The following PPIP5K1 variants were observed in gnomAD, a reference collection of about 807,000 sequenced individuals.
The protein encoded by PPIP5K1 is diphosphoinositol pentakisphosphate kinase 1.
Under a neutral mutation model 27.7 loss-of-function variants are expected in PPIP5K1, and 6 were observed. The observed-to-expected ratio is 0.22, with a 90% CI of 0.12 to 0.43. The LOEUF (loss-of-function observed/expected upper bound fraction) is 0.43. Among genes scored for constraint, PPIP5K1 ranks in the 20% least tolerant of loss-of-function variants. The pLI is 1.00. For missense variants in PPIP5K1, 394 were observed against 635.4 expected, an observed-to-expected ratio of 0.62 and a Z score of 4.08; for synonymous variants, 145 against 242.6, an observed-to-expected ratio of 0.60 and a Z score of 3.74.
At chr15:43,542,976 A>G (rs993803343) in intron 30 of PPIP5K1, among the ~76,000 whole-genome samples, 3 of 151,778 alleles carry the variant, frequency 2.0e-5, no homozygotes, top group Non-Finnish European at 4.4e-5. Flanking sequence ...TCAACTACAT[A>G]ATTATTCTTT....
chr15:43,555,051 G>A (rs922520955), intron 30 of PPIP5K1, among the ~76,000 whole-genome samples: 2 of 151,962 alleles, frequency 1.3e-5, no homozygotes, highest in African/African-American at 4.8e-5. Flanking sequence ...TGGCCAGGCT[G>A]GTCTTGAACT....
chr15:43,534,895 C>A lies in PPIP5K1; in HGVS notation c.4252G>T (p.Val1418Phe), dbSNP rs1461663000. ...HKFHVGVGSL[V>F]QETLVEVGSP... is the part of the protein sequence containing the mutation. ...CCAACTTCTACAAGGGTTTCCTGGA[C>A]CAAGCTACCAACCCCTACATGGAAC... Residue 1418 changes from valine (V) to phenylalanine (F), a missense_variant, in exon 32 of 32, where the codon GTC becomes TTC. This residue lies in a region of PPIP5K1 where 379 missense variants were observed against 423.9 expected (regional missense o/e 0.89). Transcript: ENST00000420765. The A allele has an allele frequency of 1.9e-6, 3 of 1,614,062 alleles. No homozygotes were observed. Among genetic ancestry groups the A allele is most frequent in the Non-Finnish European group, 2.5e-6 (3 of 1,179,996 alleles).
In PPIP5K1 at chr15:43,539,417, A is replaced by C. The variant is rs1443546684; in HGVS notation, c.3670+53T>G. 3.1e-6 allele frequency: 4 copies of C among 1,309,268 alleles called. No homozygotes were observed. In the East Asian group the frequency reaches 7.4e-5, roughly 24 times the overall value. The allele number at this position is 1,309,268 out of a possible 1,614,324, so 81.1% of individuals were successfully genotyped here. A position where few individuals can be genotyped will look rare whatever the true frequency, so the allele number is the denominator to read the frequency against. Reference sequence around the variant, plus strand: ...CATGCAACAGGCCCCTCATTCACCAATCACTCCAGTCTTCATGACTTTTGT... The same window carrying C: ...CATGCAACAGGCCCCTCATTCACCACTCACTCCAGTCTTCATGACTTTTGT... On this transcript the variant is annotated intron_variant, in intron 31 of 31. Coordinates refer to ENST00000420765, the MANE Select transcript of PPIP5K1 (RefSeq NM_001394395.1).
At chr15:43,555,208 G>A (rs2082780273) in intron 30 of PPIP5K1, among the ~76,000 whole-genome samples, 2 of 152,132 alleles carry the variant, frequency 1.3e-5, no homozygotes, top group Non-Finnish European at 2.9e-5. Context: ...AATCTTGATT[G>A]CTTTTCTTCT....
chr15:43,536,244 C>T (rs1455508069), intron 31 of PPIP5K1: 6 of 388,924 alleles, frequency 1.5e-5, no homozygotes, highest in Non-Finnish European at 2.7e-5. Context: ...CATGGCAAAA[C>T]CTTGTCTCTA....
At chr15:43,545,796 TAACATAA>T (rs2081302540) in intron 30 of PPIP5K1, among the ~76,000 whole-genome samples, 1 of 152,180 alleles carries the variant, frequency 6.6e-6, no homozygotes, top group African/African-American at 2.4e-5. Context: ...GAAATCCACA[TAACATAA>T]AAGTTAGCCA....
Position 43,535,336 on chromosome 15 carries a change from G to A in PPIP5K1, c.3811C>T (p.Leu1271Phe), listed in dbSNP as rs2079697142. Residue 1271 changes from leucine to phenylalanine, a missense_variant, in exon 32 of 32, where the codon CTC becomes TTC. Physicochemically the swap from Leu to Phe is conservative, Grantham distance 22. Transcript: ENST00000420765. ...VAEEHQGLGL[L>F]QETPGSGAQE... ...GCTCCACTCCCAGGGGTCTCCTGGA[G>A]CAGCCCAAGGCCTTGATGTTCTTCA... 6.2e-7 allele frequency: 1 copy of A among 1,614,082 alleles called. No individual in the cohort carries two copies. The highest frequency in any genetic ancestry group is 1.3e-5 in the African/African-American group (1 of 74,926).
rs1254395567 is a variant in PPIP5K1 at position 43,533,658 on chromosome 15, GTCTTTGGC to G, written c.*1008_*1015del. 1 of 152,274 alleles carries G rather than the reference GTCTTTGGC, an allele frequency of 6.6e-6. No homozygotes were observed. Among genetic ancestry groups the G allele is most frequent in the African/African-American group, 2.4e-5 (1 of 41,314 alleles). 9.4% of individuals were successfully genotyped at this position (152,274 alleles called of 1,614,324 possible). ...TTTCTTGGGGACCCTGCAGTGTTTG[GTCTTTGGC>G]CAGTCTGTCCCTGGCACAACTACAG... On this transcript the variant is annotated 3_prime_UTR_variant, in exon 32 of 32. Transcript: ENST00000420765.
intron 30 of PPIP5K1, among the ~76,000 whole-genome samples, chr15:43,551,569 G>T (rs1595802405): frequency 3.0e-5 from 4 of 135,080 alleles, no homozygotes; most frequent in South Asian, 2.3e-4. Context: ...TTTTTTCCTT[G>T]TTACAGGTGT....
At chr15:43,546,654 A>AT (rs58966502) in intron 30 of PPIP5K1, among the ~76,000 whole-genome samples, 9,344 of 106,280 alleles carry the variant, frequency 0.088, 1,153 homozygotes, top group Non-Finnish European at 0.14. Context: ...CCTGTTTTCA[A>AT]TTTTTTTTTT....
chr15:43,537,707 AG>A (rs375064452), intron 31 of PPIP5K1, among the ~76,000 whole-genome samples: 15,652 of 98,094 alleles, frequency 0.16, 3,371 homozygotes, highest in African/African-American at 0.51. Context: ...AAAAAAAAAA[AG>A]AGAGAGAGAG....
rs776406070 is a variant in PPIP5K1, at chr15:43,581,095, C to G, written c.968G>C (p.Arg323Pro). ...KQTVCGFDLLRANGHSFVCDV... is the reference protein window; with the variant it reads ...KQTVCGFDLLPANGHSFVCDV... ...ACACACAAAGGAATGACCATTGGCACGAAGAAGGTCAAATCCACAAACTGT... is the reference window on the plus strand; with the variant it reads ...ACACACAAAGGAATGACCATTGGCAGGAAGAAGGTCAAATCCACAAACTGT... The change falls in exon 10 of 32, where the codon CGT becomes CCT. Residue 323 changes from arginine to proline, a missense_variant. This residue lies in a region of PPIP5K1 where 10 missense variants were observed against 90.2 expected (regional missense o/e 0.11). Transcript: ENST00000420765. The G allele has an allele frequency of 2.0e-6, 3 of 1,467,920 alleles. No homozygotes were observed. Among genetic ancestry groups the G allele is most frequent in the Non-Finnish European group, 2.8e-6 (3 of 1,083,982 alleles). The allele number at this position is 1,467,920 out of a possible 1,614,324, so 90.9% of individuals were successfully genotyped here.
chr15:43,539,165 C>T (rs1431703580), intron 31 of PPIP5K1, among the ~76,000 whole-genome samples: 1 of 150,490 alleles, frequency 6.6e-6, no homozygotes, highest in Admixed American at 6.6e-5. Flanking sequence ...GAGCCAAGAT[C>T]GTGCCTGGGC....
At chr15:43,546,012 G>T (rs2081326980) in intron 30 of PPIP5K1, among the ~76,000 whole-genome samples, 1 of 149,740 alleles carries the variant, frequency 6.7e-6, no homozygotes, top group Non-Finnish European at 1.5e-5. Flanking sequence ...CACTTTATGG[G>T]GAAAAAAAAA....
intron 29 of PPIP5K1, 51 bp from the exon 30 acceptor site, chr15:43,558,983 C>T (rs748560546): frequency 1.2e-6 from 2 of 1,605,348 alleles, no homozygotes; most frequent in Middle Eastern, 2.2e-4. Context: ...CAGATATACC[C>T]CAACTGGCCA....
intron 30 of PPIP5K1, among the ~76,000 whole-genome samples, chr15:43,558,213 T>C (rs2083267446): frequency 6.7e-6 from 1 of 149,236 alleles, no homozygotes; most frequent in Admixed American, 6.7e-5. Context: ...CACACCAACA[T>C]GCTCAGCTAA....
rs56361192 is a variant in PPIP5K1 at position 43,542,647 on chromosome 15, AGTGTGTGT to A, written c.3557-3072_3557-3065del. Among the ~76,000 whole-genome samples the A allele has an allele frequency of 3.2e-3, 385 of 121,354 alleles. 1 individual carries two copies. Among genetic ancestry groups the A allele is most frequent in the African/African-American group, 0.01 (314 of 31,084 alleles). 79.6% of individuals were successfully genotyped at this position (121,354 alleles called of 152,430 possible). A position where few individuals can be genotyped will look rare whatever the true frequency, so the allele number is the denominator to read the frequency against. ...TTGTGGATTTTTATTATATATATTC[AGTGTGTGT>A]GTGTGTGTGTGTGTGTGTGTGTGTG... is the stretch of plus-strand genomic sequence containing the variant. On this transcript the variant is annotated intron_variant, in intron 30 of 31. Transcript: ENST00000420765.
chr15:43,534,725 G>T lies in PPIP5K1; in HGVS notation c.4422C>A (p.Phe1474Leu), dbSNP rs373714620. The change falls in exon 32 of 32, where the codon TTC becomes TTA. Residue 1474 changes from phenylalanine (F) to leucine (L), a missense_variant. Coordinates refer to ENST00000420765, the MANE Select transcript of PPIP5K1 (RefSeq NM_001394395.1). ...GGGCCTGCAGATCAATCTCCTCAGG[G>T]AACTCTTGGGATGGTTTATCAATCT... ...IPEIDKPSQEFPEEIDLQAQE... is the reference protein window; with the variant it reads ...IPEIDKPSQELPEEIDLQAQE... 1.6e-5 allele frequency: 24 copies of T among 1,539,584 alleles called. No individual in the cohort carries two copies. The highest frequency in any genetic ancestry group is 2.1e-5 in the Non-Finnish European group (24 of 1,146,576).
chr15:43,550,751 T>C (rs2082092412), intron 30 of PPIP5K1, among the ~76,000 whole-genome samples: 1 of 152,224 alleles, frequency 6.6e-6, no homozygotes, highest in African/African-American at 2.4e-5. Flanking sequence ...CTTTCATAAA[T>C]GCCCTTTATC....
Sources: gnomAD v4.1 joint callset for allele counts (sites outside exome capture counted in the v4.1 genomes callset) on GRCh38, gnomAD v4.1.1 for gene constraint, gnomAD v4.1.1 regional missense constraint, MANE v1.5 for transcripts, NCBI Gene and HGNC (gene_info 2026-07-23, HGNC 2026-07-21) for gene names.